RBM20: variants seen among roughly 807,000 people sequenced by gnomAD.
RBM20 encodes RNA binding motif protein 20.
In RBM20, 51 loss-of-function variants were observed where a neutral mutation model predicts 110.1. That is an observed-to-expected ratio of 0.46 (90% CI 0.37 to 0.59). RBM20 has a LOEUF of 0.59. RBM20 is among the 20% of genes least tolerant of loss of function. RBM20 has a pLI of 0.00. For missense variants in RBM20, 1,512 were observed against 1,574.9 expected, an observed-to-expected ratio of 0.96 and a Z score of 0.68; for synonymous variants, 589 against 618.2, an observed-to-expected ratio of 0.95 and a Z score of 0.70.
chr10:110,722,150 G>C (rs1430601943), intron 1 of RBM20, among the ~76,000 whole-genome samples: 2 of 152,166 alleles, frequency 1.3e-5, no homozygotes, highest in South Asian at 4.1e-4. Context: ...ACTCTTGGTT[G>C]CTGTCAGTGT....
At chr10:110,651,581 C>G (rs748668950) in intron 1 of RBM20, among the ~76,000 whole-genome samples, 18 of 152,040 alleles carry the variant, frequency 1.2e-4, no homozygotes, top group Non-Finnish European at 2.4e-4. Flanking sequence ...AAACACAGGC[C>G]AACAGGAGTG....
In RBM20 at chr10:110,799,795, A is replaced by G. The variant is rs2135078497; in HGVS notation, c.1677A>G (p.Leu559=). 1.3e-6 allele frequency: 2 copies of G among 1,550,940 alleles called. No homozygotes were observed. The highest frequency in any genetic ancestry group is 2.4e-5 in the East Asian group (1 of 40,922). The stretch of plus-strand genomic sequence containing the variant: ...CTTCCTTTCTTTCTTAGGCCTTTTT[A>G]GAGATGGCTTACACAGAAGCTGCAC... The part of the protein sequence containing the change: ...ILMKSTNQAF[L]EMAYTEAAQA... The change falls in exon 7 of 14, where the codon TTA becomes TTG. Residue 559 remains leucine, a synonymous_variant. Transcript: ENST00000369519.
intron 1 of RBM20, among the ~76,000 whole-genome samples, chr10:110,727,399 C>CAAAAATAAAAATAAAAAAAAAAAT (rs1554893376): frequency 1.2e-5 from 1 of 83,240 alleles, no homozygotes; most frequent in African/African-American, 4.4e-5. Context: ...AAGTCCGTCT[C>CAAAAATAAAAATAAAAAAAAAAAT]AAAAAATAAA....
intron 1 of RBM20, among the ~76,000 whole-genome samples, chr10:110,772,516 G>A (rs891941012): frequency 6.6e-6 from 1 of 152,186 alleles, no homozygotes; most frequent in Non-Finnish European, 1.5e-5. Context: ...AACATATTTA[G>A]ATATGCACAA....
At chr10:110,796,120 C>A (rs1354661614) in intron 5 of RBM20, among the ~76,000 whole-genome samples, 2 of 152,078 alleles carry the variant, frequency 1.3e-5, no homozygotes, top group Non-Finnish European at 2.9e-5. Context: ...GTTCTTTTTT[C>A]TTTATTGGAA....
chr10:110,735,473 C>T (rs1403211950), intron 1 of RBM20, among the ~76,000 whole-genome samples: 1 of 152,098 alleles, frequency 6.6e-6, no homozygotes, highest in Non-Finnish European at 1.5e-5. Flanking sequence ...GCGCTTTTGT[C>T]CTGATTGAAT....
At chr10:110,686,896 G>A (rs1372254697) in intron 1 of RBM20, among the ~76,000 whole-genome samples, 5 of 151,704 alleles carry the variant, frequency 3.3e-5, no homozygotes, top group Admixed American at 1.3e-4. Context: ...AAAATTAGCC[G>A]GGTGTGGTGG....
chr10:110,763,751 C>CTTTTTT (rs56845100), intron 1 of RBM20, among the ~76,000 whole-genome samples: 21 of 64,350 alleles, frequency 3.3e-4, no homozygotes, highest in East Asian at 5.4e-4. Context: ...GGCTTCTTGG[C>CTTTTTT]TTTTTTTTTT....
intron 1 of RBM20, among the ~76,000 whole-genome samples, chr10:110,718,184 A>G (rs530901700): frequency 7.2e-5 from 11 of 152,188 alleles, no homozygotes; most frequent in Non-Finnish European, 1.2e-4. Flanking sequence ...TTTTTGTTTC[A>G]GCAACTTTGG....
intron 1 of RBM20, among the ~76,000 whole-genome samples, chr10:110,731,281 G>A (rs976732164): frequency 7.2e-5 from 11 of 152,146 alleles, no homozygotes; most frequent in African/African-American, 1.4e-4. Context: ...ACAAGGAAGC[G>A]AAGAAGCTGC....
intron 1 of RBM20, among the ~76,000 whole-genome samples, chr10:110,672,050 T>C (rs1242511873): frequency 6.6e-6 from 1 of 152,024 alleles, no homozygotes; most frequent in Non-Finnish European, 1.5e-5. Flanking sequence ...TTTAGGGCCC[T>C]ATTAGGGACT....
At chr10:110,644,279 C>T, upstream of RBM20, 1 of 444,420 alleles carries the variant, frequency 2.3e-6, no homozygotes, top group Non-Finnish European at 3.9e-6. The surrounding 1 kb of genome is among the most constrained non-coding windows in gnomAD (Gnocchi z 4.3). Flanking sequence ...GCTGGAGCAG[C>T]GGGAGGAGGC....
chr10:110,786,337 G>A (rs553464383), intron 5 of RBM20, among the ~76,000 whole-genome samples: 114 of 152,326 alleles, frequency 7.5e-4, no homozygotes, highest in South Asian at 1.2e-3. Flanking sequence ...ATGTCTCCAC[G>A]TGCTGTCCCC....
intron 8 of RBM20, among the ~76,000 whole-genome samples, chr10:110,811,562 A>T (rs1209280514): frequency 6.6e-6 from 1 of 152,128 alleles, no homozygotes; most frequent in African/African-American, 2.4e-5. Flanking sequence ...GGGGTTAGGA[A>T]GTCTTGTTCT....
Position 110,838,841 on chromosome 10 carries a change from A to G in RBM20, c.*2863A>G, listed in dbSNP as rs1220510190. On this transcript the variant is annotated 3_prime_UTR_variant, in exon 14 of 14. Coordinates refer to ENST00000369519, the MANE Select transcript of RBM20 (RefSeq NM_001134363.3). ...TCTAAGAGTCTATACTTGTGTGTAC[A>G]TACGTATTTATTTTTATTTATTTTT... 6.6e-6 allele frequency: 1 copy of G among 152,224 alleles called. No individual in the cohort carries two copies. Among genetic ancestry groups the G allele is most frequent in the East Asian group, 1.9e-4 (1 of 5,206 alleles). The allele number at this position is 152,224 out of a possible 1,614,324, so 9.4% of individuals were successfully genotyped here. A position where few individuals can be genotyped will look rare whatever the true frequency, so the allele number is the denominator to read the frequency against.
chr10:110,782,773 C>T (rs1260898719), intron 2 of RBM20, among the ~76,000 whole-genome samples: 1 of 148,550 alleles, frequency 6.7e-6, no homozygotes, highest in East Asian at 1.9e-4. Flanking sequence ...TGTCCAAAAG[C>T]ATAATAATGT....
intron 1 of RBM20, among the ~76,000 whole-genome samples, chr10:110,668,590 G>A (rs1862214580): frequency 7.4e-6 from 1 of 134,244 alleles, no homozygotes; most frequent in Non-Finnish European, 1.7e-5. Context: ...TGGGACAACA[G>A]GTGGAGGGAG....
intron 1 of RBM20, among the ~76,000 whole-genome samples, chr10:110,720,589 C>A (rs1182885755): frequency 6.6e-6 from 1 of 152,166 alleles, no homozygotes; most frequent in Non-Finnish European, 1.5e-5. Context: ...CCTCTGCTAC[C>A]ACCTGGGCCA....
chr10:110,756,382 G>C (rs746692231), intron 1 of RBM20: 1 of 152,238 alleles, frequency 6.6e-6, no homozygotes, highest in Non-Finnish European at 1.5e-5. Context: ...AACGCTTCTA[G>C]TCTTTTCCTA....
Sources: gnomAD v4.1 joint callset for allele counts (sites outside exome capture counted in the v4.1 genomes callset) on GRCh38, gnomAD v4.1.1 for gene constraint, Gnocchi (gnomAD v3.1) non-coding constraint, MANE v1.5 for transcripts, NCBI Gene and HGNC (gene_info 2026-07-23, HGNC 2026-07-21) for gene names.